Variants in SPIRE1 observed in about 807,000 individuals in gnomAD.
SPIRE1 encodes the protein protein spire homolog 1.
SPIRE1 carries 40 observed loss-of-function variants against 94.1 expected under a neutral mutation model. The ratio of observed to expected loss-of-function variants is 0.43; its 90% CI spans 0.33 to 0.55. The LOEUF is 0.55. Among genes scored for constraint, SPIRE1 ranks in the 20% least tolerant of loss-of-function variants. The probability of loss-of-function intolerance (pLI) is 0.06; values close to 1 mark genes in which losing one functional copy is unlikely to be tolerated. For missense variants in SPIRE1, 838 were observed against 975.2 expected, an observed-to-expected ratio of 0.86 and a Z score of 1.87; for synonymous variants, 376 against 371.7, an observed-to-expected ratio of 1.01 and a Z score of -0.13.
intron 1 of SPIRE1, chr18:12,636,423 A>G (rs892886185): frequency 1.3e-5 from 2 of 152,188 alleles, no homozygotes; most frequent in Non-Finnish European, 2.9e-5. Context: ...ACATCACAAA[A>G]GAAAAATCAC....
At chr18:12,604,679 ATGGCAGAAAAAAACACCAAGTCTCAC>A (rs902406289) in intron 2 of SPIRE1, among the ~76,000 whole-genome samples, 5 of 152,190 alleles carry the variant, frequency 3.3e-5, no homozygotes, top group Admixed American at 6.5e-5. Context: ...CATTAGAAAC[ATGGCAGAAAAAAACACCAAGTCTCAC>A]TTAGTGAGGG....
chr18:12,480,646 T>C (rs1219573641), intron 9 of SPIRE1, among the ~76,000 whole-genome samples: 1 of 152,152 alleles, frequency 6.6e-6, no homozygotes, highest in East Asian at 1.9e-4. Flanking sequence ...GGTGAATAAA[T>C]AAACTAAGGC....
Position 12,585,530 on chromosome 18 carries a change from G to A in SPIRE1, c.373-38626C>T, listed in dbSNP as rs187450725. ...AGTTTCTATCTCTATAGCTGTTAGT[G>A]TGTCTATATAATGGGGATAATAACT... On this transcript the variant is annotated intron_variant, in intron 2 of 16. Coordinates refer to ENST00000409402, the MANE Select transcript of SPIRE1 (RefSeq NM_001128626.2). Among the ~76,000 whole-genome samples, 4 of 152,260 alleles carry A rather than the reference G, an allele frequency of 2.6e-5. No homozygotes were observed. The East Asian group carries it at 7.7e-4, about 29-fold the overall frequency.
At chr18:12,536,553 G>A (rs1219814678) in intron 3 of SPIRE1, among the ~76,000 whole-genome samples, 1 of 152,054 alleles carries the variant, frequency 6.6e-6, no homozygotes, top group Admixed American at 6.5e-5. Flanking sequence ...ATGGACCTCA[G>A]GGAAGCTGCC....
intron 10 of SPIRE1, among the ~76,000 whole-genome samples, chr18:12,474,266 G>A (rs914977192): frequency 6.6e-6 from 1 of 152,192 alleles, no homozygotes; most frequent in African/African-American, 2.4e-5. Flanking sequence ...TGGACAAAGA[G>A]GCTCATGCAA....
chr18:12,452,832 T>C (rs909079604), intron 14 of SPIRE1, among the ~76,000 whole-genome samples: 3 of 152,230 alleles, frequency 2.0e-5, no homozygotes, highest in East Asian at 1.9e-4. Flanking sequence ...ATCTTAGTTA[T>C]GTAAAAGAAG....
intron 1 of SPIRE1, among the ~76,000 whole-genome samples, chr18:12,637,817 G>C (rs1269838348): frequency 1.3e-5 from 2 of 152,178 alleles, no homozygotes; most frequent in African/African-American, 4.8e-5. Flanking sequence ...AAACAATGAA[G>C]TGCTTAAAAA....
At chr18:12,491,840 G>A (rs1215407189) in intron 8 of SPIRE1, among the ~76,000 whole-genome samples, 1 of 152,196 alleles carries the variant, frequency 6.6e-6, no homozygotes, top group East Asian at 1.9e-4. Context: ...ACAGATGACA[G>A]CCTCGGCTGG....
chr18:12,546,021 G>A (rs975904892), intron 3 of SPIRE1, among the ~76,000 whole-genome samples: 6 of 151,964 alleles, frequency 3.9e-5, no homozygotes, highest in South Asian at 2.1e-4. Context: ...ACGGAGTCTC[G>A]CTCTGTCACC....
chr18:12,464,832 C>T (rs1432202314), intron 11 of SPIRE1, 36 bp downstream of exon 11: 6 of 1,555,842 alleles, frequency 3.9e-6, no homozygotes, highest in Non-Finnish European at 5.3e-6. Context: ...TGTAGTAAGA[C>T]ATCCGACTAC....
chr18:12,592,348 CA>C (rs1295886797), intron 2 of SPIRE1, among the ~76,000 whole-genome samples: 1 of 152,180 alleles, frequency 6.6e-6, no homozygotes, highest in Non-Finnish European at 1.5e-5. Flanking sequence ...TGTAATATCA[CA>C]TTTTAGACAA....
At chr18:12,569,610 G>T (rs575670052) in intron 2 of SPIRE1, among the ~76,000 whole-genome samples, 2 of 144,112 alleles carry the variant, frequency 1.4e-5, no homozygotes, top group South Asian at 2.3e-4. Context: ...TGGCCAAAAC[G>T]TAGAAATGTT....
At chr18:12,658,695 C>T (rs1238882064), upstream of SPIRE1, 3 of 437,206 alleles carry the variant, frequency 6.9e-6, no homozygotes, top group African/African-American at 2.1e-5. Flanking sequence ...CCGGCAGTTT[C>T]CCGTGACCCC....
intron 2 of SPIRE1, among the ~76,000 whole-genome samples, chr18:12,595,180 C>T (rs576511743): frequency 2.6e-5 from 4 of 152,016 alleles, no homozygotes; most frequent in African/African-American, 4.8e-5. Context: ...GTGGCTCATG[C>T]CTATAATCCC....
chr18:12,473,251 G>T (rs1039490627), intron 10 of SPIRE1, among the ~76,000 whole-genome samples: 1 of 151,994 alleles, frequency 6.6e-6, no homozygotes, highest in Non-Finnish European at 1.5e-5. Flanking sequence ...GCACTTAGCA[G>T]TATGTATCAA....
intron 8 of SPIRE1, among the ~76,000 whole-genome samples, chr18:12,488,345 A>C (rs2033110696): frequency 6.6e-6 from 1 of 152,142 alleles, no homozygotes; most frequent in Non-Finnish European, 1.5e-5. Flanking sequence ...GATTTCTGGA[A>C]GCCTGAGGTC....
rs1357559707 is a variant in SPIRE1, at chr18:12,657,992, G to A, written c.-126C>T. 11 of 991,920 alleles carry A rather than the reference G, an allele frequency of 1.1e-5. No individual in the cohort carries two copies. Among genetic ancestry groups the A allele is most frequent in the Non-Finnish European group, 1.3e-5 (11 of 835,078 alleles). The allele number at this position is 991,920 out of a possible 1,614,324, so 61.4% of individuals were successfully genotyped here. On this transcript the variant is annotated 5_prime_UTR_variant, in exon 1 of 17. Transcript: ENST00000409402. ...CCGCCGCCGCCCAACGCGGCCGCGC[G>A]CGCCGCCGCCGGGACCAGGCGAGTG...
chr18:12,658,377 C>T (rs1185992438), upstream of SPIRE1: 17 of 403,472 alleles, frequency 4.2e-5, no homozygotes, highest in Non-Finnish European at 3.5e-5. Context: ...GGAGGGGATG[C>T]GCGGCCGGGT....
At chr18:12,477,741 T>C (rs1325923259) in intron 10 of SPIRE1, among the ~76,000 whole-genome samples, 2 of 152,114 alleles carry the variant, frequency 1.3e-5, no homozygotes, top group Admixed American at 1.3e-4. Flanking sequence ...CCACGCTGAC[T>C]CTGACAAGGA....
Sources: gnomAD v4.1 joint callset for allele counts (sites outside exome capture counted in the v4.1 genomes callset) on GRCh38, gnomAD v4.1.1 for gene constraint, MANE v1.5 for transcripts, NCBI Gene and HGNC (gene_info 2026-07-23, HGNC 2026-07-21) for gene names.